Variants in SCAMP2 observed in about 807,000 individuals in gnomAD.
SCAMP2 encodes secretory carrier-associated membrane protein 2.
A neutral mutation model predicts 44.1 loss-of-function variants in SCAMP2; 25 were observed. That is an observed-to-expected ratio of 0.57 (90% CI 0.41 to 0.79). SCAMP2 has a LOEUF of 0.79. Among genes scored for constraint, SCAMP2 ranks in the 30% least tolerant of loss-of-function variants. The pLI is 0.00. For synonymous variants in SCAMP2, 156 were observed against 166.0 expected, an observed-to-expected ratio of 0.94 and a Z score of 0.46; for missense variants, 355 against 411.0, an observed-to-expected ratio of 0.86 and a Z score of 1.18.
At chr15:74,854,473 C>G (rs1238806375) in intron 2 of SCAMP2, 108 bp downstream of exon 2, 3 of 932,674 alleles carry the variant, frequency 3.2e-6, no homozygotes, top group Non-Finnish European at 5.2e-6. Context: ...CCTTTGAGGA[C>G]TGCCGCTTCT....
chr15:74,853,702 G>C (rs1270112212), intron 3 of SCAMP2: 1 of 453,634 alleles, frequency 2.2e-6, no homozygotes, highest in Non-Finnish European at 4.1e-6. Context: ...AAGGAAGAGA[G>C]AACAAGCCAA....
intron 1 of SCAMP2, among the ~76,000 whole-genome samples, chr15:74,859,387 A>AC (rs1166037070): frequency 2.0e-5 from 3 of 152,130 alleles, no homozygotes; most frequent in African/African-American, 7.2e-5. Context: ...GCTGGGGACC[A>AC]CGGCAAGGTG....
At chr15:74,847,671 G>A (rs2141170703) in intron 7 of SCAMP2, among the ~76,000 whole-genome samples, 1 of 152,348 alleles carries the variant, frequency 6.6e-6, no homozygotes, top group Admixed American at 6.5e-5. Context: ...TCCAGGCTCA[G>A]GCTGTCAGCC....
intron 7 of SCAMP2, 123 bp from the exon 8 acceptor site, chr15:74,845,716 C>G (rs763222976): frequency 8.1e-7 from 1 of 1,232,550 alleles, no homozygotes; most frequent in Non-Finnish European, 1.2e-6. Flanking sequence ...CCCCACAGCA[C>G]AGGGAGCCCT....
chr15:74,849,296 A>C (rs144049147), intron 6 of SCAMP2, among the ~76,000 whole-genome samples: 55 of 152,260 alleles, frequency 3.6e-4, no homozygotes, highest in African/African-American at 1.3e-3. Context: ...AAAAACACAA[A>C]AATTAGCTGG....
intron 3 of SCAMP2, 51 bp from the exon 4 acceptor site, chr15:74,852,237 CAG>C: frequency 7.6e-7 from 1 of 1,309,336 alleles, no homozygotes; most frequent in Non-Finnish European, 1.0e-6. Context: ...CAAACAGAAA[CAG>C]TGTCAGCCTG....
At chr15:74,845,785 A>T (rs2064395372) in intron 7 of SCAMP2, among the ~76,000 whole-genome samples, 192 bp from the exon 8 acceptor site, 1 of 152,244 alleles carries the variant, frequency 6.6e-6, no homozygotes. Context: ...ACAGGCCCAC[A>T]CTACCCCATT....
In SCAMP2 at chr15:74,845,066, G is replaced by GAGAGA. The variant is rs1040559839; in HGVS notation, c.*12_*16dup. 6.8e-6 allele frequency: 11 copies of GAGAGA among 1,608,738 alleles called. No individual in the cohort carries two copies. In the African/African-American group the frequency reaches 9.4e-5, roughly 14 times the overall value. ...GGCAGGCGAGAGAAAGGCTGAGGGG[G>GAGAGA]AGAGAAGAGAGGAGGACTAATTCCC... On this transcript the variant is annotated 3_prime_UTR_variant, in exon 9 of 9. Transcript: ENST00000268099.
rs1227322956 is a variant in SCAMP2 at position 74,852,198 on chromosome 15, A to G, written c.226-12T>C. The G allele has an allele frequency of 6.7e-7, 1 of 1,491,160 alleles. No homozygotes were observed. 92.4% of individuals were successfully genotyped at this position (1,491,160 alleles called of 1,614,324 possible). ...GCAGACACCACGGCCTGGAGAGAAC[A>G]GGGGAGGTACAGGGACAGCCAGACA... On this transcript the variant is annotated splice_polypyrimidine_tract_variant and intron_variant, in intron 3 of 8. Coordinates refer to ENST00000268099, the MANE Select transcript of SCAMP2 (RefSeq NM_005697.5).
chr15:74,851,587 G>A, intron 4 of SCAMP2, 106 bp from the exon 5 acceptor site: 1 of 1,445,954 alleles, frequency 6.9e-7, no homozygotes, highest in Non-Finnish European at 9.5e-7. Flanking sequence ...GTTCCCAGAG[G>A]GGCTCCAGCA....
chr15:74,849,346 G>A (rs2064419628), intron 6 of SCAMP2, among the ~76,000 whole-genome samples: 1 of 152,106 alleles, frequency 6.6e-6, no homozygotes, highest in Non-Finnish European at 1.5e-5. Flanking sequence ...TACTTGGGAG[G>A]CTGAGACAGG....
chr15:74,870,552 T>C (rs943225154), intron 1 of SCAMP2, among the ~76,000 whole-genome samples: 3 of 152,158 alleles, frequency 2.0e-5, no homozygotes, highest in Non-Finnish European at 2.9e-5. Context: ...CCAGAAGACA[T>C]TGGCAGAAAA....
At chr15:74,859,616 C>CTTTT (rs386383489) in intron 1 of SCAMP2, among the ~76,000 whole-genome samples, 11 of 132,566 alleles carry the variant, frequency 8.3e-5, no homozygotes, top group Non-Finnish European at 1.6e-4. Context: ...GAAAACCACA[C>CTTTT]TTTTTTTTTT....
chr15:74,862,833 AAAAAAC>A (rs2064516236), intron 1 of SCAMP2, among the ~76,000 whole-genome samples: 1 of 138,396 alleles, frequency 7.2e-6, no homozygotes, highest in Non-Finnish European at 1.5e-5. Context: ...AAAAAAAAAA[AAAAAAC>A]AAAAAACAAA....
intron 7 of SCAMP2, among the ~76,000 whole-genome samples, chr15:74,847,776 C>T (rs1370097934): frequency 6.6e-6 from 1 of 152,178 alleles, no homozygotes; most frequent in Non-Finnish European, 1.5e-5. Flanking sequence ...TAATTTTGAG[C>T]TGAGGACTGA....
In SCAMP2 at chr15:74,873,317, G is replaced by A; in HGVS notation, c.-62C>T. 1 of 1,431,872 alleles carries A rather than the reference G, an allele frequency of 7.0e-7. No individual in the cohort carries two copies. The highest frequency in any genetic ancestry group is 1.4e-5 in the South Asian group (1 of 69,932). 88.7% of individuals were successfully genotyped at this position (1,431,872 alleles called of 1,614,324 possible). A position where few individuals can be genotyped will look rare whatever the true frequency, so the allele number is the denominator to read the frequency against. On this transcript the variant is annotated 5_prime_UTR_variant, in exon 1 of 9. Coordinates refer to ENST00000268099, the MANE Select transcript of SCAMP2 (RefSeq NM_005697.5). ...TGCTGCCTCCGGGCACCCAGACCCAGCGGCGCTTCGTGTAGACCCTCCACT... is the reference window on the plus strand; with the variant it reads ...TGCTGCCTCCGGGCACCCAGACCCAACGGCGCTTCGTGTAGACCCTCCACT...
chr15:74,859,702 C>T (rs1221077895), intron 1 of SCAMP2, among the ~76,000 whole-genome samples: 3 of 150,930 alleles, frequency 2.0e-5, no homozygotes, highest in African/African-American at 7.3e-5. Context: ...CTACAATCTC[C>T]ACCTCCCAGG....
chr15:74,860,682 A>AT (rs2064497624), intron 1 of SCAMP2, among the ~76,000 whole-genome samples: 1 of 94,492 alleles, frequency 1.1e-5, no homozygotes, highest in Admixed American at 1.3e-4. Flanking sequence ...GGAAGACTCC[A>AT]TTTAAAAAAA....
At chr15:74,849,624 A>AT (rs2064422114) in intron 6 of SCAMP2, among the ~76,000 whole-genome samples, 1 of 151,998 alleles carries the variant, frequency 6.6e-6, no homozygotes, top group Admixed American at 6.6e-5. Context: ...TGTGCCTGTA[A>AT]GCCCAGCTAC....
Sources: gnomAD v4.1 joint callset for allele counts (sites outside exome capture counted in the v4.1 genomes callset) on GRCh38, gnomAD v4.1.1 for gene constraint, MANE v1.5 for transcripts, NCBI Gene and HGNC (gene_info 2026-07-23, HGNC 2026-07-21) for gene names.